CDH13: variants seen among roughly 807,000 people sequenced by gnomAD.
The protein encoded by CDH13 is cadherin 13.
A neutral mutation model predicts 63.8 loss-of-function variants in CDH13; 24 were observed. The ratio of observed to expected loss-of-function variants is 0.38; its 90% CI spans 0.27 to 0.53. The LOEUF (loss-of-function observed/expected upper bound fraction) is 0.53. Among genes scored for constraint, CDH13 ranks in the 20% least tolerant of loss-of-function variants. The pLI is 0.85. For missense variants in CDH13, 1,049 were observed against 903.1 expected (o/e 1.16, Z -2.07); for synonymous variants, 503 against 355.3 (o/e 1.42, Z -4.67).
At chr16:83,553,650 G>A (rs2075551507) in intron 7 of CDH13, among the ~76,000 whole-genome samples, 1 of 152,140 alleles carries the variant, frequency 6.6e-6, no homozygotes, top group Admixed American at 6.5e-5. Context: ...TCTGCCTCTT[G>A]GGTTCAAGCC....
chr16:83,160,479 C>G (rs78414185), intron 4 of CDH13, among the ~76,000 whole-genome samples: 5,619 of 152,210 alleles, frequency 0.037, 121 homozygotes, highest in East Asian at 0.1. Context: ...ATCAGAATGG[C>G]AATTCTGCAT....
At chr16:82,866,842 C>G (rs1257525787) in intron 2 of CDH13, among the ~76,000 whole-genome samples, 1 of 152,158 alleles carries the variant, frequency 6.6e-6, no homozygotes. Flanking sequence ...CTCGTGAGAA[C>G]TCACTATCAC....
intron 2 of CDH13, among the ~76,000 whole-genome samples, chr16:83,024,118 G>A (rs1368036482): frequency 2.6e-5 from 4 of 152,086 alleles, no homozygotes; most frequent in Admixed American, 2.6e-4. Flanking sequence ...GCATGAATTT[G>A]TCTAACTGAG....
chr16:82,953,367 C>T (rs545465091), intron 2 of CDH13: 13 of 152,278 alleles, frequency 8.5e-5, no homozygotes, highest in African/African-American at 2.4e-4. Flanking sequence ...ATTAGATCAC[C>T]AGTGACCAAC....
rs148658535 is a variant in CDH13, at chr16:83,460,542, T to G, written c.782-25935T>G. Among the ~76,000 whole-genome samples, 342 of 152,242 alleles carry G rather than the reference T, an allele frequency of 2.2e-3. 1 individual carries two copies. The highest frequency in any genetic ancestry group is 6.8e-3 in the Middle Eastern group (2 of 294). ...GTCTGATGAACTGCAGCAAGGATGG[T>G]GGATCTCCAGGACATGCATATGTGG... On this transcript the variant is annotated intron_variant, in intron 6 of 13. Transcript: ENST00000567109.
intron 10 of CDH13, among the ~76,000 whole-genome samples, chr16:83,700,252 G>A (rs901159873): frequency 7.2e-5 from 11 of 152,188 alleles, no homozygotes; most frequent in African/African-American, 2.4e-4. Context: ...GTTGTCACCT[G>A]TGTCACCAGT....
chr16:82,659,031 C>G (rs1312369873), intron 1 of CDH13, among the ~76,000 whole-genome samples: 1 of 152,172 alleles, frequency 6.6e-6, no homozygotes, highest in African/African-American at 2.4e-5. Flanking sequence ...GCTTAGCTCA[C>G]AAAAGCTGTG....
chr16:82,886,684 C>T (rs1284107545), intron 2 of CDH13, among the ~76,000 whole-genome samples: 1 of 152,030 alleles, frequency 6.6e-6, no homozygotes, highest in Non-Finnish European at 1.5e-5. Context: ...GACACCGGCT[C>T]CATGCACTGT....
intron 6 of CDH13, among the ~76,000 whole-genome samples, chr16:83,444,700 G>A (rs909041776): frequency 5.3e-5 from 8 of 152,096 alleles, no homozygotes; most frequent in African/African-American, 1.7e-4. Flanking sequence ...TAATGTTTTG[G>A]GTAGCATGGC....
At chr16:83,670,049 T>C (rs1709783916) in intron 8 of CDH13, among the ~76,000 whole-genome samples, 1 of 152,236 alleles carries the variant, frequency 6.6e-6, no homozygotes, top group Non-Finnish European at 1.5e-5. Context: ...GAATTTGAGA[T>C]GTATTACAAT....
At chr16:83,187,099 T>A (rs1192279919) in intron 4 of CDH13, among the ~76,000 whole-genome samples, 1 of 152,044 alleles carries the variant, frequency 6.6e-6, no homozygotes, top group Non-Finnish European at 1.5e-5. Context: ...GCCTCCTGAG[T>A]AGCTGGGACT....
intron 5 of CDH13, among the ~76,000 whole-genome samples, chr16:83,252,326 A>G (rs1344405162): frequency 6.8e-6 from 1 of 147,606 alleles, no homozygotes; most frequent in African/African-American, 2.5e-5. Flanking sequence ...GTTTTAGGGT[A>G]CATGTGCATC....
chr16:83,004,430 C>A (rs193174394), intron 2 of CDH13, among the ~76,000 whole-genome samples: 4 of 152,320 alleles, frequency 2.6e-5, no homozygotes, highest in Admixed American at 2.6e-4. Context: ...TATACTTCTT[C>A]CTCATAAACC....
intron 7 of CDH13, among the ~76,000 whole-genome samples, chr16:83,589,411 A>C: frequency 2.2e-5 from 3 of 139,076 alleles, no homozygotes; most frequent in Non-Finnish European, 1.5e-5. Context: ...TCACCCATCT[A>C]CTCCCGCTGA....
At chr16:83,162,573 G>A (rs531709023) in intron 4 of CDH13, among the ~76,000 whole-genome samples, 2 of 150,824 alleles carry the variant, frequency 1.3e-5, no homozygotes, top group Admixed American at 1.3e-4. Flanking sequence ...AGAGCACCCT[G>A]AGTCTGACAG....
chr16:82,959,191 G>A (rs776231860), intron 2 of CDH13, among the ~76,000 whole-genome samples: 15 of 152,140 alleles, frequency 9.9e-5, no homozygotes, highest in Non-Finnish European at 1.8e-4. Flanking sequence ...TACAATTCAT[G>A]TTTACCTTCC....
chr16:83,559,838 C>A (rs965826113), intron 7 of CDH13, among the ~76,000 whole-genome samples: 1 of 152,124 alleles, frequency 6.6e-6, no homozygotes, highest in South Asian at 2.1e-4. Context: ...AAACTTGGTG[C>A]TTTCGTGCCT....
At chr16:83,758,102 C>T (rs960811534) in intron 11 of CDH13, among the ~76,000 whole-genome samples, 1 of 151,660 alleles carries the variant, frequency 6.6e-6, no homozygotes, top group African/African-American at 2.4e-5. Flanking sequence ...AAAAAATGTT[C>T]TTGAAAACCA....
chr16:83,126,628 C>G (rs1319328545), intron 4 of CDH13, among the ~76,000 whole-genome samples: 1 of 151,990 alleles, frequency 6.6e-6, no homozygotes, highest in Admixed American at 6.6e-5. Flanking sequence ...GGAGAAGGGA[C>G]AAGGAAGTTG....
Sources: gnomAD v4.1 joint callset for allele counts (sites outside exome capture counted in the v4.1 genomes callset) on GRCh38, gnomAD v4.1.1 for gene constraint, MANE v1.5 for transcripts, NCBI Gene and HGNC (gene_info 2026-07-23, HGNC 2026-07-21) for gene names.